Variants in PHF21B observed in about 807,000 individuals in gnomAD.
PHF21B encodes PHD finger protein 4.
In PHF21B, 22 loss-of-function variants were observed where a neutral mutation model predicts 62.2. The ratio of observed to expected loss-of-function variants is 0.35; its 90% CI spans 0.25 to 0.51. The LOEUF is 0.51. PHF21B is among the 20% of genes least tolerant of loss of function. The pLI, the probability that PHF21B is intolerant of heterozygous loss-of-function variation, is 0.97. For synonymous variants in PHF21B, 341 were observed against 314.7 expected (o/e 1.08, Z -0.88); for missense variants, 701 against 707.9 (o/e 0.99, Z 0.11).
intron 12 of PHF21B, among the ~76,000 whole-genome samples, chr22:44,884,044 C>CCATCACCACCAT (rs142141866): frequency 0.012 from 476 of 38,470 alleles, 40 homozygotes; most frequent in African/African-American, 0.074. Context: ...GTGATCAGCA[C>CCATCACCACCAT]CACCACCACC....
chr22:44,947,924 CCAGA>C (rs1023735436), intron 2 of PHF21B, among the ~76,000 whole-genome samples: 2 of 139,204 alleles, frequency 1.4e-5, no homozygotes, highest in African/African-American at 5.5e-5. Flanking sequence ...GCATCCACAC[CCAGA>C]CAATGACCGC....
intron 2 of PHF21B, among the ~76,000 whole-genome samples, chr22:44,984,935 G>A (rs551180503): frequency 2.4e-4 from 37 of 152,294 alleles, no homozygotes; most frequent in Admixed American, 6.5e-4. Context: ...GCAACAGGAG[G>A]TACTAGCCCC....
intron 5 of PHF21B, among the ~76,000 whole-genome samples, chr22:44,900,612 T>C (rs1202264086): frequency 6.6e-6 from 1 of 152,206 alleles, no homozygotes; most frequent in East Asian, 1.9e-4. Flanking sequence ...GATTTACAAC[T>C]TTTTATCTGT....
chr22:44,915,466 C>A (rs1374025337), intron 4 of PHF21B, among the ~76,000 whole-genome samples: 5 of 152,216 alleles, frequency 3.3e-5, no homozygotes, highest in Non-Finnish European at 5.9e-5. Context: ...GGATCAGGTG[C>A]CCTCCTGGGA....
chr22:44,928,560 C>A (rs2071678856), intron 2 of PHF21B, among the ~76,000 whole-genome samples: 1 of 152,170 alleles, frequency 6.6e-6, no homozygotes, highest in African/African-American at 2.4e-5. Context: ...CAGGCGCCCA[C>A]CACCATGTCT....
chr22:44,925,697 G>A (rs552145646), intron 2 of PHF21B, among the ~76,000 whole-genome samples: 8 of 152,170 alleles, frequency 5.3e-5, no homozygotes, highest in African/African-American at 9.6e-5. Context: ...ACAGCCTGGC[G>A]GGCAGCACTG....
At chr22:44,927,137 C>CGA (rs1277732939) in intron 2 of PHF21B, among the ~76,000 whole-genome samples, 1 of 151,938 alleles carries the variant, frequency 6.6e-6, no homozygotes, top group Non-Finnish European at 1.5e-5. Flanking sequence ...GGCAGAACCC[C>CGA]GAGAGAGAGG....
intron 6 of PHF21B, among the ~76,000 whole-genome samples, chr22:44,894,275 T>G (rs1333653445): frequency 6.6e-6 from 1 of 152,166 alleles, no homozygotes; most frequent in Non-Finnish European, 1.5e-5. Context: ...GGTTTCTAAA[T>G]GAGGACTATT....
At chr22:44,993,314 C>T (rs527836425) in intron 2 of PHF21B, among the ~76,000 whole-genome samples, 2 of 152,172 alleles carry the variant, frequency 1.3e-5, no homozygotes, top group East Asian at 1.9e-4. Flanking sequence ...TCACACCTCA[C>T]CCAGCCTCAG....
intron 2 of PHF21B, among the ~76,000 whole-genome samples, chr22:44,984,424 C>G (rs920557284): frequency 6.6e-6 from 1 of 152,050 alleles, no homozygotes; most frequent in African/African-American, 2.4e-5. Context: ...CAGGGGATCC[C>G]GAATCTTGTG....
intron 2 of PHF21B, among the ~76,000 whole-genome samples, chr22:44,938,685 T>A (rs549190919): frequency 6.6e-6 from 1 of 152,338 alleles, no homozygotes; most frequent in African/African-American, 2.4e-5. Flanking sequence ...GCTGCATGGC[T>A]AAGATGCTTC....
chr22:44,935,705 G>A (rs1352958877), intron 2 of PHF21B, among the ~76,000 whole-genome samples: 3 of 152,204 alleles, frequency 2.0e-5, no homozygotes, highest in African/African-American at 7.2e-5. Context: ...TCTCATGGGA[G>A]AGGGCAACAG....
intron 2 of PHF21B, among the ~76,000 whole-genome samples, chr22:44,974,614 G>A (rs367838176): frequency 2.2e-4 from 33 of 152,172 alleles, no homozygotes; most frequent in African/African-American, 7.0e-4. Context: ...GGTCACTTCC[G>A]GGCCCTCGTC....
intron 2 of PHF21B, among the ~76,000 whole-genome samples, chr22:44,977,718 AC>A (rs2072763977): frequency 6.6e-6 from 1 of 151,154 alleles, no homozygotes; most frequent in African/African-American, 2.4e-5. Context: ...AGCTGGGGCT[AC>A]AGGTGCATGC....
At chr22:44,924,410 G>C (rs1018053901) in intron 2 of PHF21B, among the ~76,000 whole-genome samples, 4 of 152,194 alleles carry the variant, frequency 2.6e-5, no homozygotes, top group African/African-American at 9.7e-5. Context: ...CAGAACGTAT[G>C]TGTCCTCTCC....
At chr22:44,902,777 T>C (rs2071183480) in intron 5 of PHF21B, among the ~76,000 whole-genome samples, 3 of 152,372 alleles carry the variant, frequency 2.0e-5, no homozygotes, top group South Asian at 2.1e-4. Context: ...GTATTCTTTA[T>C]GTTATGGTAA....
rs189627303 is a variant in PHF21B at position 44,907,073 on chromosome 22, A to T, written c.831+6749T>A. On this transcript the variant is annotated intron_variant, in intron 5 of 12. Transcript: ENST00000313237. Reference sequence around the variant, plus strand: ...GTTTTAGAGCATTGCAGATGTGAGGAGCCTGCTAGGAAGCATGTCCGTGCC... The same window carrying T: ...GTTTTAGAGCATTGCAGATGTGAGGTGCCTGCTAGGAAGCATGTCCGTGCC... 2.0e-5 allele frequency among the ~76,000 whole-genome samples: 3 copies of T among 152,276 alleles called. No individual in the cohort carries two copies. In the East Asian group the frequency reaches 5.8e-4, roughly 29 times the overall value.
chr22:44,916,472 T>C lies in PHF21B; in HGVS notation c.372A>G (p.Pro124=). The C allele has an allele frequency of 6.2e-7, 1 of 1,601,852 alleles. No individual in the cohort carries two copies. The change falls in exon 4 of 13, where the codon CCA becomes CCG. Residue 124 remains proline (P), a synonymous_variant. Coordinates refer to ENST00000313237, the MANE Select transcript of PHF21B (RefSeq NM_138415.5). ...GGGCCTGGGGCTGGCTGCCGGGCGC[T>C]GGCACATGGCTGACAGTGTTGTTGG... ...PTANNTVSHV[P]APGSQPQALA...
At chr22:44,953,196 A>T (rs1438861305) in intron 2 of PHF21B, among the ~76,000 whole-genome samples, 2 of 152,236 alleles carry the variant, frequency 1.3e-5, no homozygotes, top group Non-Finnish European at 2.9e-5. Context: ...GCTGGGGCAG[A>T]AATGGCTCTC....
Sources: gnomAD v4.1 joint callset for allele counts (sites outside exome capture counted in the v4.1 genomes callset) on GRCh38, gnomAD v4.1.1 for gene constraint, MANE v1.5 for transcripts, NCBI Gene and HGNC (gene_info 2026-07-23, HGNC 2026-07-21) for gene names.